The following GPR19 variants were observed in gnomAD, a reference collection of about 807,000 sequenced individuals.
GPR19 encodes the protein G protein-coupled receptor 19.
In GPR19, 14 loss-of-function variants were observed where a neutral mutation model predicts 28.5. The observed-to-expected ratio is 0.49, with a 90% CI of 0.32 to 0.77. The LOEUF is 0.77. GPR19 is among the 30% of genes least tolerant of loss of function. GPR19 has a pLI of 0.03. For missense variants in GPR19, 409 were observed against 504.1 expected, an observed-to-expected ratio of 0.81 and a Z score of 1.81; for synonymous variants, 173 against 184.1, an observed-to-expected ratio of 0.94 and a Z score of 0.49.
the GPR19 span, among the ~76,000 whole-genome samples, chr12:12,712,414 G>A: frequency 5.2e-4 from 79 of 152,194 alleles, 1 homozygote; most frequent in Non-Finnish European, 1.1e-3. Flanking sequence ...AAGTTTGGAC[G>A]CTGATCATTC....
At chr12:12,668,441 G>A (rs1945811490) in intron 3 of GPR19, among the ~76,000 whole-genome samples, 1 of 151,760 alleles carries the variant, frequency 6.6e-6, no homozygotes, top group Non-Finnish European at 1.5e-5. Context: ...AGAGGAATGG[G>A]GCATGGATGA....
At chr12:12,688,778 T>G (rs552686650) in intron 2 of GPR19, 2 of 152,362 alleles carry the variant, frequency 1.3e-5, no homozygotes, top group African/African-American at 4.8e-5. Context: ...GTACTGAGTC[T>G]GCCAGGGGAG....
chr12:12,707,959 G>A, the GPR19 span, among the ~76,000 whole-genome samples: 20 of 135,354 alleles, frequency 1.5e-4, no homozygotes, highest in African/African-American at 5.5e-4. Context: ...GTGTGATCAT[G>A]AATCCAAATT....
At chr12:12,676,004 C>T (rs1048128447) in intron 3 of GPR19, among the ~76,000 whole-genome samples, 3 of 152,176 alleles carry the variant, frequency 2.0e-5, no homozygotes, top group African/African-American at 7.2e-5. Context: ...GCAATAGAAA[C>T]TAATTCAATG....
upstream of GPR19, among the ~76,000 whole-genome samples, chr12:12,697,153 T>TAAAAAAAAAAAATAAAA (rs1946277688): frequency 2.0e-5 from 1 of 48,846 alleles, no homozygotes. Flanking sequence ...TGAAGCGAAG[T>TAAAAAAAAAAAATAAAA]AAAAAAAAAA....
the GPR19 span, among the ~76,000 whole-genome samples, chr12:12,712,615 T>A: frequency 6.6e-6 from 1 of 152,216 alleles, no homozygotes; most frequent in Non-Finnish European, 1.5e-5. Flanking sequence ...GAGGCCTTCC[T>A]CTTTCTCCTT....
chr12:12,664,500 TA>T (rs530863558), intron 3 of GPR19, among the ~76,000 whole-genome samples: 2 of 151,224 alleles, frequency 1.3e-5, no homozygotes, highest in African/African-American at 4.9e-5. Context: ...TTTTAAAAAT[TA>T]AAAAAAAAGT....
At chr12:12,673,795 G>A (rs1012502847) in intron 3 of GPR19, among the ~76,000 whole-genome samples, 4 of 152,154 alleles carry the variant, frequency 2.6e-5, no homozygotes, top group African/African-American at 9.7e-5. Context: ...CATGGTTTTA[G>A]TCTATTGAAG....
chr12:12,665,819 C>CAAGAAAAAA (rs1945766193), intron 3 of GPR19, among the ~76,000 whole-genome samples: 1 of 75,736 alleles, frequency 1.3e-5, no homozygotes, highest in African/African-American at 6.0e-5. Flanking sequence ...GACTCCGTCT[C>CAAGAAAAAA]AAAAAAAAAA....
chr12:12,691,132 C>T (rs985534161), intron 2 of GPR19, among the ~76,000 whole-genome samples: 3 of 149,992 alleles, frequency 2.0e-5, no homozygotes, highest in Non-Finnish European at 4.4e-5. Context: ...TGGATAAGCT[C>T]AATAAAGGTC....
At chr12:12,678,088 A>C (rs967412484) in intron 3 of GPR19, among the ~76,000 whole-genome samples, 4 of 150,856 alleles carry the variant, frequency 2.7e-5, no homozygotes, top group African/African-American at 9.7e-5. Flanking sequence ...AAAAAAAAAA[A>C]AAAAAAAAAA....
intron 3 of GPR19, among the ~76,000 whole-genome samples, chr12:12,670,955 A>G (rs2136322897): frequency 6.6e-6 from 1 of 152,294 alleles, no homozygotes; most frequent in East Asian, 1.9e-4. Context: ...ACATCAAAAT[A>G]CATAATACAA....
intron 2 of GPR19, among the ~76,000 whole-genome samples, chr12:12,692,940 A>T (rs1479757542): frequency 1.3e-5 from 2 of 152,210 alleles, no homozygotes; most frequent in Non-Finnish European, 2.9e-5. Flanking sequence ...GCTTTTCAAG[A>T]AAAGGAACCC....
intron 3 of GPR19, among the ~76,000 whole-genome samples, chr12:12,681,156 C>A (rs1455436536): frequency 6.6e-6 from 1 of 152,148 alleles, no homozygotes; most frequent in East Asian, 1.9e-4. Flanking sequence ...CAATTTTTTG[C>A]CTTGGCTGAT....
At chr12:12,682,653 T>TAA (rs1946038742) in intron 3 of GPR19, among the ~76,000 whole-genome samples, 1 of 152,162 alleles carries the variant, frequency 6.6e-6, no homozygotes, top group Admixed American at 6.5e-5. Flanking sequence ...GCTAAAAGAC[T>TAA]AAAGTTCAAT....
chr12:12,714,599 T>G, the GPR19 span, among the ~76,000 whole-genome samples: 2 of 152,308 alleles, frequency 1.3e-5, no homozygotes, highest in South Asian at 2.1e-4. Context: ...CTGGGGGTTT[T>G]GGGGAAACAG....
chr12:12,664,756 T>C (rs536832295), intron 3 of GPR19, among the ~76,000 whole-genome samples: 1 of 151,702 alleles, frequency 6.6e-6, no homozygotes, highest in Non-Finnish European at 1.5e-5. Flanking sequence ...CCGTCTCTAC[T>C]AAAAATACAA....
the GPR19 span, among the ~76,000 whole-genome samples, chr12:12,714,265 A>G: frequency 6.6e-6 from 1 of 152,196 alleles, no homozygotes; most frequent in Non-Finnish European, 1.5e-5. Flanking sequence ...CCTCATTATA[A>G]ACATCCTCGA....
At chr12:12,668,177 G>C (rs1272967284) in intron 3 of GPR19, among the ~76,000 whole-genome samples, 2 of 152,198 alleles carry the variant, frequency 1.3e-5, no homozygotes. Flanking sequence ...ACATTAGCCA[G>C]TTTAGTGTTT....
Sources: gnomAD v4.1 joint callset for allele counts (sites outside exome capture counted in the v4.1 genomes callset) on GRCh38, gnomAD v4.1.1 for gene constraint, MANE v1.5 for transcripts, NCBI Gene and HGNC (gene_info 2026-07-23, HGNC 2026-07-21) for gene names.